Variants in MCTP1 observed in about 807,000 individuals in gnomAD.
MCTP1 encodes multiple C2 and transmembrane domain containing 1.
Under a neutral mutation model 120.6 loss-of-function variants are expected in MCTP1, and 69 were observed. The ratio of observed to expected loss-of-function variants is 0.57; its 90% CI spans 0.47 to 0.70. The LOEUF (loss-of-function observed/expected upper bound fraction) is 0.70. Among genes scored for constraint, MCTP1 ranks in the 30% least tolerant of loss-of-function variants. The pLI, the probability that MCTP1 is intolerant of heterozygous loss-of-function variation, is 0.00. For missense variants in MCTP1, 1,203 were observed against 1,248.8 expected (o/e 0.96, Z 0.55); for synonymous variants, 529 against 493.1 (o/e 1.07, Z -0.96).
chr5:94,950,798 CA>C (rs1820331556), intron 3 of MCTP1, among the ~76,000 whole-genome samples: 1 of 151,706 alleles, frequency 6.6e-6, no homozygotes, highest in African/African-American at 2.4e-5. Context: ...CTAAAAAATA[CA>C]AAAAATTAGC....
chr5:94,956,707 A>G (rs1581563282), intron 2 of MCTP1, among the ~76,000 whole-genome samples: 1 of 112,766 alleles, frequency 8.9e-6, no homozygotes, highest in Non-Finnish European at 1.9e-5. Context: ...GTGTAAAGAC[A>G]AGATTACAAA....
At chr5:95,220,335 CTT>C (rs554157258) in intron 1 of MCTP1, among the ~76,000 whole-genome samples, 8 of 142,584 alleles carry the variant, frequency 5.6e-5, no homozygotes, top group Non-Finnish European at 7.7e-5. Context: ...TTTCTTCTTC[CTT>C]TTTTTTTTTT....
intron 1 of MCTP1, among the ~76,000 whole-genome samples, chr5:95,205,412 T>C (rs1443636657): frequency 1.3e-5 from 2 of 152,114 alleles, no homozygotes; most frequent in African/African-American, 2.4e-5. Flanking sequence ...AACACAGGTA[T>C]GATTCTCCAG....
At position 95,161,942 on chromosome 5, in the gene MCTP1, ACT is replaced by A. The variant is rs1368105317; in HGVS notation, c.720+121912_720+121913del. ...TCAGAGTCGGCTTTGTAAGAAAAAC[ACT>A]CTGATCAAGTGGGGAGATGTTAACT... On this transcript the variant is annotated intron_variant, in intron 1 of 22. Coordinates refer to ENST00000515393, the MANE Select transcript of MCTP1 (RefSeq NM_024717.7). Among the ~76,000 whole-genome samples, 22 of 152,226 alleles carry A rather than the reference ACT, an allele frequency of 1.4e-4. No individual in the cohort carries two copies. In the East Asian group the frequency reaches 4.2e-3, roughly 29 times the overall value.
intron 19 of MCTP1, among the ~76,000 whole-genome samples, chr5:94,728,824 T>C (rs919870437): frequency 6.6e-6 from 1 of 152,218 alleles, no homozygotes; most frequent in Admixed American, 6.5e-5. Flanking sequence ...ATTCACTTCA[T>C]TCATGTCATC....
intron 18 of MCTP1, among the ~76,000 whole-genome samples, chr5:94,785,224 C>T (rs1318740503): frequency 6.6e-6 from 1 of 152,076 alleles, no homozygotes; most frequent in Non-Finnish European, 1.5e-5. Flanking sequence ...TTTCATATTT[C>T]CTTTTCGGTA....
At chr5:94,983,673 A>G (rs575674474) in intron 2 of MCTP1, among the ~76,000 whole-genome samples, 5 of 35,444 alleles carry the variant, frequency 1.4e-4, no homozygotes, top group East Asian at 9.0e-4. Context: ...CTGTCAATCT[A>G]TCTATCTATC....
intron 5 of MCTP1, among the ~76,000 whole-genome samples, chr5:94,933,892 T>A (rs1815446976): frequency 1.3e-5 from 2 of 151,860 alleles, no homozygotes; most frequent in Non-Finnish European, 2.9e-5. Flanking sequence ...GCAGGCTGCA[T>A]GGTTTTATTT....
chr5:95,188,669 T>C (rs1286693055), intron 1 of MCTP1, among the ~76,000 whole-genome samples: 1 of 152,156 alleles, frequency 6.6e-6, no homozygotes, highest in Non-Finnish European at 1.5e-5. Flanking sequence ...TATTACTCAT[T>C]TCCAGGGGTT....
intron 17 of MCTP1, among the ~76,000 whole-genome samples, chr5:94,866,859 A>G (rs1003596266): frequency 5.0e-5 from 3 of 60,604 alleles, no homozygotes; most frequent in African/African-American, 2.6e-4. Flanking sequence ...TACACAATAC[A>G]CGTAAATGCT....
chr5:95,243,518 G>A (rs966877503), intron 1 of MCTP1, among the ~76,000 whole-genome samples: 25 of 152,154 alleles, frequency 1.6e-4, no homozygotes, highest in Non-Finnish European at 2.9e-4. Context: ...AGACCACAAA[G>A]GGTCTAATAT....
chr5:95,226,348 T>C (rs1205098372), intron 1 of MCTP1, among the ~76,000 whole-genome samples: 2 of 152,230 alleles, frequency 1.3e-5, no homozygotes, highest in Non-Finnish European at 2.9e-5. Context: ...CCTCCTCTTC[T>C]GAGTTCGCCT....
At chr5:94,860,346 G>A (rs1333902595) in intron 17 of MCTP1, among the ~76,000 whole-genome samples, 2 of 151,594 alleles carry the variant, frequency 1.3e-5, no homozygotes, top group African/African-American at 4.8e-5. Context: ...CCCTCATAAT[G>A]ACAGAAGTTA....
chr5:94,954,145 TAC>T (rs1160690145), intron 2 of MCTP1, among the ~76,000 whole-genome samples: 4 of 28,448 alleles, frequency 1.4e-4, no homozygotes, highest in African/African-American at 2.8e-4. Context: ...TGCATATATA[TAC>T]ATATATATAT....
chr5:94,834,922 C>T (rs1183043145), intron 17 of MCTP1, among the ~76,000 whole-genome samples: 1 of 149,124 alleles, frequency 6.7e-6, no homozygotes, highest in East Asian at 2.0e-4. Context: ...CTCCCAGGTT[C>T]AGCAATTCTC....
chr5:94,993,775 A>T lies in MCTP1; in HGVS notation c.838+23592T>A, dbSNP rs189277345. On this transcript the variant is annotated intron_variant, in intron 2 of 22. Coordinates refer to ENST00000515393, the MANE Select transcript of MCTP1 (RefSeq NM_024717.7). Reference sequence around the variant, plus strand: ...ATCTAGAAACTTTGTGTTTGCTTTTAGGATGAAATAAAGAAATGTAGGCAT... The same window carrying T: ...ATCTAGAAACTTTGTGTTTGCTTTTTGGATGAAATAAAGAAATGTAGGCAT... 2.1e-4 allele frequency among the ~76,000 whole-genome samples: 32 copies of T among 152,318 alleles called. No individual in the cohort carries two copies. The East Asian group carries it at 5.2e-3, about 25-fold the overall frequency.
intron 1 of MCTP1, among the ~76,000 whole-genome samples, chr5:95,025,156 G>C (rs571454837): frequency 6.6e-6 from 1 of 152,214 alleles, no homozygotes; most frequent in Non-Finnish European, 1.5e-5. Context: ...CACACTATCA[G>C]ATTTCAAAAT....
At chr5:94,838,193 C>G (rs1324129050) in intron 17 of MCTP1, among the ~76,000 whole-genome samples, 2 of 152,302 alleles carry the variant, frequency 1.3e-5, no homozygotes, top group Admixed American at 1.3e-4. Flanking sequence ...CAACAGCCAT[C>G]ATCGTACTTT....
chr5:95,259,443 G>C (rs1758247125), intron 1 of MCTP1, among the ~76,000 whole-genome samples: 1 of 152,122 alleles, frequency 6.6e-6, no homozygotes, highest in African/African-American at 2.4e-5. Context: ...CCCCCACTTT[G>C]TCTGGAGGCC....
Sources: allele counts gnomAD v4.1 joint callset (sites outside exome capture counted in the v4.1 genomes callset), GRCh38; gene constraint gnomAD v4.1.1; transcripts MANE v1.5; gene names NCBI Gene and HGNC (gene_info 2026-07-23, HGNC 2026-07-21).